The following LRMDA variants were observed in gnomAD, a reference collection of about 807,000 sequenced individuals.
LRMDA encodes the protein leucine rich melanocyte differentiation associated.
A neutral mutation model predicts 29.8 loss-of-function variants in LRMDA; 18 were observed. That is an observed-to-expected ratio of 0.60 (90% CI 0.42 to 0.90). The LOEUF (loss-of-function observed/expected upper bound fraction) is 0.90. Ranked by LOEUF, LRMDA falls within the 40% of genes least tolerant of loss-of-function variation. The probability of loss-of-function intolerance (pLI) is 0.00; values close to 1 mark genes in which losing one functional copy is unlikely to be tolerated. For synonymous variants in LRMDA, 125 were observed against 109.4 expected, an observed-to-expected ratio of 1.14 and a Z score of -0.89; for missense variants, 273 against 273.9, an observed-to-expected ratio of 1.00 and a Z score of 0.02.
At chr10:75,482,107 A>G (rs1268392470) in intron 2 of LRMDA, among the ~76,000 whole-genome samples, 3 of 152,084 alleles carry the variant, frequency 2.0e-5, no homozygotes, top group Non-Finnish European at 4.4e-5. Flanking sequence ...GTGGCTTTGT[A>G]GTGCCTCCCT....
intron 2 of LRMDA, among the ~76,000 whole-genome samples, chr10:75,458,537 A>G (rs1844547344): frequency 6.6e-6 from 1 of 152,244 alleles, no homozygotes; most frequent in Non-Finnish European, 1.5e-5. Context: ...AGAATACTAA[A>G]TAAGGTATGT....
At chr10:75,442,103 C>T (rs565470628) in intron 2 of LRMDA, among the ~76,000 whole-genome samples, 26 of 152,280 alleles carry the variant, frequency 1.7e-4, no homozygotes, top group African/African-American at 5.3e-4. Flanking sequence ...CATATACTAA[C>T]ATATGATTTT....
At chr10:75,511,108 G>A (rs1458058375) in intron 2 of LRMDA, among the ~76,000 whole-genome samples, 4 of 152,092 alleles carry the variant, frequency 2.6e-5, no homozygotes, top group Admixed American at 1.3e-4. Flanking sequence ...TGGGCAGATC[G>A]CTTGAGCCCA....
chr10:75,540,999 A>C (rs1261114736), intron 2 of LRMDA, among the ~76,000 whole-genome samples: 3 of 152,138 alleles, frequency 2.0e-5, no homozygotes, highest in African/African-American at 7.2e-5. Context: ...AAGGAAAAAA[A>C]CAGTTTTGGA....
chr10:75,920,851 G>A (rs965719352), intron 2 of LRMDA, among the ~76,000 whole-genome samples: 4 of 152,122 alleles, frequency 2.6e-5, no homozygotes, highest in Admixed American at 2.0e-4. Context: ...GCATAGCTTC[G>A]CGCAGTTGCA....
chr10:75,771,583 T>C (rs2132235342), intron 2 of LRMDA, among the ~76,000 whole-genome samples: 1 of 152,118 alleles, frequency 6.6e-6, no homozygotes, highest in African/African-American at 2.4e-5. Context: ...AAGGTGAGGT[T>C]GAAGTCAGGA....
intron 2 of LRMDA, among the ~76,000 whole-genome samples, chr10:75,914,466 T>A (rs781036701): frequency 1.1e-4 from 16 of 152,260 alleles, no homozygotes; most frequent in Non-Finnish European, 2.1e-4. Flanking sequence ...AAATTTTCAT[T>A]TTTGTGAGCA....
At chr10:76,141,946 A>G (rs1037433430) in intron 5 of LRMDA, among the ~76,000 whole-genome samples, 2 of 152,060 alleles carry the variant, frequency 1.3e-5, no homozygotes, top group African/African-American at 4.8e-5. Context: ...TCCTGTTTGA[A>G]TCGTGGATGC....
intron 5 of LRMDA, among the ~76,000 whole-genome samples, chr10:76,146,488 G>C (rs987854099): frequency 6.6e-6 from 1 of 151,518 alleles, no homozygotes; most frequent in Non-Finnish European, 1.5e-5. Flanking sequence ...TTTAAAGTCT[G>C]TTTTATCAGA....
intron 6 of LRMDA, among the ~76,000 whole-genome samples, chr10:76,521,295 G>A (rs950563127): frequency 6.6e-6 from 1 of 151,916 alleles, no homozygotes; most frequent in Non-Finnish European, 1.5e-5. Flanking sequence ...CACCACGCCC[G>A]GCTAATTTTT....
At chr10:75,683,114 A>G (rs16932556) in intron 2 of LRMDA, among the ~76,000 whole-genome samples, 9,965 of 152,232 alleles carry the variant, frequency 0.065, 454 homozygotes, top group South Asian at 0.12. Flanking sequence ...GCCCAAACAA[A>G]TTATATAGCT....
chr10:76,033,374 C>G (rs1286342353), intron 2 of LRMDA, among the ~76,000 whole-genome samples: 1 of 152,180 alleles, frequency 6.6e-6, no homozygotes, highest in Admixed American at 6.5e-5. Flanking sequence ...AGACAGGTGA[C>G]AGGGGATTTG....
At chr10:76,513,099 G>A (rs2132353596) in intron 6 of LRMDA, among the ~76,000 whole-genome samples, 1 of 152,220 alleles carries the variant, frequency 6.6e-6, no homozygotes, top group African/African-American at 2.4e-5. Flanking sequence ...ATAGATCAAT[G>A]TAATAAATTT....
chr10:75,561,914 G>C (rs962161601), intron 2 of LRMDA, among the ~76,000 whole-genome samples: 5 of 152,038 alleles, frequency 3.3e-5, no homozygotes, highest in African/African-American at 1.2e-4. Flanking sequence ...TATAATTTCT[G>C]TTCTTTTACA....
chr10:75,435,111 A>C (rs1202125804), intron 1 of LRMDA, among the ~76,000 whole-genome samples: 1 of 152,216 alleles, frequency 6.6e-6, no homozygotes, highest in African/African-American at 2.4e-5. Flanking sequence ...AAATTATAGA[A>C]AATAGAGAAA....
At chr10:76,037,721 G>T (rs1848275662) in intron 3 of LRMDA, among the ~76,000 whole-genome samples, 1 of 150,282 alleles carries the variant, frequency 6.7e-6, no homozygotes, top group South Asian at 2.1e-4. Context: ...CCTTATAGGG[G>T]CACTGATCCC....
intron 2 of LRMDA, among the ~76,000 whole-genome samples, chr10:75,760,948 G>T (rs1324343794): frequency 1.3e-5 from 2 of 152,126 alleles, no homozygotes; most frequent in African/African-American, 4.8e-5. Context: ...TTCAACAAGA[G>T]AATGAGAATT....
intron 5 of LRMDA, among the ~76,000 whole-genome samples, chr10:76,164,326 A>G (rs1250867866): frequency 2.0e-5 from 3 of 152,202 alleles, no homozygotes; most frequent in Admixed American, 1.3e-4. Flanking sequence ...CCATCATATT[A>G]TAGAGCTGGC....
At chr10:75,795,767 C>T (rs953662285) in intron 2 of LRMDA, among the ~76,000 whole-genome samples, 81 of 152,228 alleles carry the variant, frequency 5.3e-4, no homozygotes, top group African/African-American at 1.9e-3. Flanking sequence ...AAATTGAGAA[C>T]CACCCTGTCA....
Sources: allele counts gnomAD v4.1 joint callset (sites outside exome capture counted in the v4.1 genomes callset), GRCh38; gene constraint gnomAD v4.1.1; transcripts MANE v1.5; gene names NCBI Gene and HGNC (gene_info 2026-07-23, HGNC 2026-07-21).